The following FRMD6 variants were observed in gnomAD, a reference collection of about 807,000 sequenced individuals.
FRMD6 encodes the protein FERM domain-containing protein 6.
A neutral mutation model predicts 73.2 loss-of-function variants in FRMD6; 37 were observed. That is an observed-to-expected ratio of 0.51 (90% CI 0.39 to 0.66). The LOEUF (loss-of-function observed/expected upper bound fraction) is 0.66. Ranked by LOEUF, FRMD6 falls within the 30% of genes least tolerant of loss-of-function variation. The pLI is 0.00. For missense variants in FRMD6, 714 were observed against 780.5 expected (o/e 0.91, Z 1.02); for synonymous variants, 273 against 282.2 (o/e 0.97, Z 0.33).
intron 5 of FRMD6, among the ~76,000 whole-genome samples, chr14:51,702,946 G>A (rs537636431): frequency 6.6e-6 from 1 of 152,160 alleles, no homozygotes; most frequent in Admixed American, 6.6e-5. Context: ...AAAGAGTGAG[G>A]AGGTTGATTA....
chr14:51,618,709 A>C (rs553304477), intron 2 of FRMD6, among the ~76,000 whole-genome samples: 45 of 152,290 alleles, frequency 3.0e-4, no homozygotes, highest in African/African-American at 1.1e-3. Context: ...CCCCTGGCTA[A>C]AATGAGGAAT....
the FRMD6 span, among the ~76,000 whole-genome samples, chr14:51,438,071 A>G: frequency 6.6e-6 from 1 of 152,164 alleles, no homozygotes; most frequent in Non-Finnish European, 1.5e-5. Flanking sequence ...AAAAGACAAA[A>G]ACACTTTAAA....
chr14:51,521,472 T>A (rs1226950086), intron 1 of FRMD6, among the ~76,000 whole-genome samples: 4 of 152,108 alleles, frequency 2.6e-5, no homozygotes, highest in African/African-American at 9.7e-5. Flanking sequence ...TCTCAGAGAA[T>A]ATGCAACACA....
At chr14:51,561,883 G>T (rs1175576510) in intron 1 of FRMD6, among the ~76,000 whole-genome samples, 1 of 152,002 alleles carries the variant, frequency 6.6e-6, no homozygotes, top group African/African-American at 2.4e-5. Context: ...TATCCCAAAT[G>T]AAAAAAATAT....
At chr14:51,572,995 C>G (rs562486743) in intron 2 of FRMD6, among the ~76,000 whole-genome samples, 1 of 152,304 alleles carries the variant, frequency 6.6e-6, no homozygotes, top group East Asian at 1.9e-4. Flanking sequence ...CTTTCATAGA[C>G]AACACTTTCC....
At chr14:51,538,813 T>C (rs1484713710) in intron 1 of FRMD6, among the ~76,000 whole-genome samples, 3 of 152,178 alleles carry the variant, frequency 2.0e-5, no homozygotes, top group African/African-American at 7.2e-5. Flanking sequence ...TGTGGTAAGG[T>C]TTGAAATTGG....
intron 2 of FRMD6, among the ~76,000 whole-genome samples, chr14:51,574,749 A>C (rs1888316246): frequency 6.6e-6 from 1 of 152,196 alleles, no homozygotes; most frequent in South Asian, 2.1e-4. Flanking sequence ...AATAAGAGCT[A>C]ATATTTGATA....
intron 2 of FRMD6, among the ~76,000 whole-genome samples, chr14:51,594,338 A>T (rs964971115): frequency 1.4e-4 from 17 of 117,906 alleles, no homozygotes; most frequent in Admixed American, 2.7e-4. Flanking sequence ...TTATTTATTT[A>T]TTTTTTTGAG....
At chr14:51,417,283 G>C in the FRMD6 span, among the ~76,000 whole-genome samples, 1 of 152,266 alleles carries the variant, frequency 6.6e-6, no homozygotes, top group East Asian at 1.9e-4. Context: ...TTTTGCAGTG[G>C]CTGGTACCGG....
At chr14:51,582,336 A>C (rs919243249) in intron 2 of FRMD6, among the ~76,000 whole-genome samples, 1 of 152,212 alleles carries the variant, frequency 6.6e-6, no homozygotes, top group Non-Finnish European at 1.5e-5. Context: ...CGTCCCACTT[A>C]ATGAGGGAAG....
intron 2 of FRMD6, among the ~76,000 whole-genome samples, chr14:51,629,021 C>A (rs570105992): frequency 6.6e-6 from 1 of 151,006 alleles, no homozygotes. Context: ...GGACTACAGA[C>A]GCCCGCCACC....
At chr14:51,442,497 T>C in the FRMD6 span, among the ~76,000 whole-genome samples, 1 of 152,210 alleles carries the variant, frequency 6.6e-6, no homozygotes, top group Non-Finnish European at 1.5e-5. Context: ...CTAAATGGCC[T>C]TGTGAGTTTT....
At chr14:51,470,172 T>C in the FRMD6 span, among the ~76,000 whole-genome samples, 1 of 152,230 alleles carries the variant, frequency 6.6e-6, no homozygotes, top group Non-Finnish European at 1.5e-5. Context: ...TTTCTCTCTG[T>C]GTTTCAATTA....
chr14:51,647,475 A>C (rs183514130), upstream of FRMD6, among the ~76,000 whole-genome samples: 1 of 152,338 alleles, frequency 6.6e-6, no homozygotes, highest in East Asian at 1.9e-4. Flanking sequence ...TAGGCAGTGA[A>C]AATCAGGACC....
chr14:51,435,227 A>G, the FRMD6 span, among the ~76,000 whole-genome samples: 3 of 152,194 alleles, frequency 2.0e-5, no homozygotes, highest in Non-Finnish European at 2.9e-5. Flanking sequence ...TGGGTAAAGC[A>G]TATCAGGGAT....
At chr14:51,690,054 G>A (rs551842665) in intron 2 of FRMD6, 119 bp downstream of exon 2, 47 of 729,648 alleles carry the variant, frequency 6.4e-5, no homozygotes, top group Non-Finnish European at 8.6e-5. Flanking sequence ...TCATGTGGCA[G>A]AATTGGGTTG....
In FRMD6 at chr14:51,728,630, C is replaced by T. The variant is rs1000670426; in HGVS notation, c.*601C>T. ...AGCACATAAGCAATAAGCAGAAAAC[C>T]AGAAGTGCATGCTGTGATGCCTGTG... On this transcript the variant is annotated 3_prime_UTR_variant, in exon 14 of 14. Coordinates refer to ENST00000344768, the MANE Select transcript of FRMD6 (RefSeq NM_001267046.2). The T allele has an allele frequency of 6.5e-6, 1 of 153,876 alleles. No homozygotes were observed. Among genetic ancestry groups the T allele is most frequent in the Non-Finnish European group, 1.5e-5 (1 of 68,942 alleles). 9.5% of individuals were successfully genotyped at this position (153,876 alleles called of 1,614,324 possible). A position where few individuals can be genotyped will look rare whatever the true frequency, so the allele number is the denominator to read the frequency against.
At chr14:51,460,876 A>C in the FRMD6 span, among the ~76,000 whole-genome samples, 41 of 152,288 alleles carry the variant, frequency 2.7e-4, no homozygotes, top group African/African-American at 9.9e-4. Flanking sequence ...AAATCTGGAT[A>C]TGTATATTGT....
At chr14:51,679,141 T>C (rs1894606476) in intron 1 of FRMD6, among the ~76,000 whole-genome samples, 1 of 152,014 alleles carries the variant, frequency 6.6e-6, no homozygotes, top group Non-Finnish European at 1.5e-5. Context: ...CTGGCAGCAT[T>C]GTGGGGGATG....
Sources: gnomAD v4.1 joint callset for allele counts (sites outside exome capture counted in the v4.1 genomes callset) on GRCh38, gnomAD v4.1.1 for gene constraint, MANE v1.5 for transcripts, NCBI Gene and HGNC (gene_info 2026-07-23, HGNC 2026-07-21) for gene names.